Variants in MACROD2 observed in about 807,000 individuals in gnomAD.
The protein encoded by MACROD2 is mono-ADP ribosylhydrolase 2.
A neutral mutation model predicts 70.4 loss-of-function variants in MACROD2; 36 were observed. That is an observed-to-expected ratio of 0.51 (90% CI 0.39 to 0.68). The LOEUF is 0.68. Among genes scored for constraint, MACROD2 ranks in the 30% least tolerant of loss-of-function variants. The pLI is 0.00. For missense variants in MACROD2, 496 were observed against 538.4 expected, an observed-to-expected ratio of 0.92 and a Z score of 0.78; for synonymous variants, 172 against 178.8, an observed-to-expected ratio of 0.96 and a Z score of 0.30.
intron 5 of MACROD2, among the ~76,000 whole-genome samples, chr20:15,004,452 A>G (rs2075020115): frequency 2.6e-5 from 4 of 152,346 alleles, no homozygotes; most frequent in Middle Eastern, 6.8e-3. Context: ...CTTTTAAAGC[A>G]TATCATCAAT....
At chr20:14,721,254 C>CAAAAAAAAAAAA (rs200181158) in intron 5 of MACROD2, among the ~76,000 whole-genome samples, 1 of 90,266 alleles carries the variant, frequency 1.1e-5, no homozygotes. Context: ...GACCCCATCT[C>CAAAAAAAAAAAA]AAAAAAAAAA....
intron 5 of MACROD2, among the ~76,000 whole-genome samples, chr20:14,957,875 AATC>A (rs2074550893): frequency 6.6e-6 from 1 of 151,592 alleles, no homozygotes; most frequent in Admixed American, 6.6e-5. Flanking sequence ...ATCTAATATC[AATC>A]ATCATAAAAG....
chr20:15,764,682 A>G (rs2051493788), intron 8 of MACROD2, among the ~76,000 whole-genome samples: 1 of 152,196 alleles, frequency 6.6e-6, no homozygotes, highest in Non-Finnish European at 1.5e-5. Context: ...GCTGCTATAA[A>G]AGCTTCCTGA....
intron 5 of MACROD2, among the ~76,000 whole-genome samples, chr20:14,790,591 G>GA (rs2072438884): frequency 6.6e-6 from 1 of 152,072 alleles, no homozygotes. Context: ...AAGGGGCTGT[G>GA]AATAGTGTAG....
chr20:15,674,797 T>C (rs2050034132), intron 8 of MACROD2, among the ~76,000 whole-genome samples: 1 of 151,760 alleles, frequency 6.6e-6, no homozygotes, highest in African/African-American at 2.4e-5. Flanking sequence ...GTATCAGGGA[T>C]AAAAGAAGTA....
chr20:14,378,731 T>C (rs184474565), intron 3 of MACROD2, among the ~76,000 whole-genome samples: 189 of 152,344 alleles, frequency 1.2e-3, no homozygotes, highest in South Asian at 3.5e-3. Context: ...TGGTAATCCA[T>C]GAGGCCGGAG....
At chr20:14,413,480 A>G (rs1218030155) in intron 3 of MACROD2, among the ~76,000 whole-genome samples, 1 of 152,106 alleles carries the variant, frequency 6.6e-6, no homozygotes, top group Non-Finnish European at 1.5e-5. Context: ...CCCTGTTGAA[A>G]GACATTCTCT....
chr20:14,723,230 G>C (rs907631294), intron 5 of MACROD2, among the ~76,000 whole-genome samples: 1 of 152,126 alleles, frequency 6.6e-6, no homozygotes, highest in East Asian at 1.9e-4. Flanking sequence ...GCTTTGGCAC[G>C]CGTTAGCTGG....
At chr20:14,096,637 G>A (rs572004746) in intron 3 of MACROD2, among the ~76,000 whole-genome samples, 4 of 152,162 alleles carry the variant, frequency 2.6e-5, no homozygotes, top group Non-Finnish European at 5.9e-5. Flanking sequence ...AAAAAGGATT[G>A]CAGGTGTGAG....
At chr20:15,101,525 G>A (rs1345091666) in intron 5 of MACROD2, among the ~76,000 whole-genome samples, 1 of 6,350 alleles carries the variant, frequency 1.6e-4, no homozygotes, top group African/African-American at 9.2e-4. Flanking sequence ...GATAACCCAG[G>A]TGTTGGTTCA....
intron 3 of MACROD2, among the ~76,000 whole-genome samples, chr20:14,452,160 T>A (rs1403378416): frequency 6.6e-6 from 1 of 152,114 alleles, no homozygotes; most frequent in Non-Finnish European, 1.5e-5. Context: ...TAGAAGATAA[T>A]AATGAATTTA....
intron 16 of MACROD2, 145 bp downstream of exon 16, chr20:16,041,423 C>A: frequency 1.6e-6 from 1 of 637,756 alleles, no homozygotes; most frequent in East Asian, 3.1e-5. Flanking sequence ...TTTTGTGCTA[C>A]AAACTAATAA....
intron 3 of MACROD2, among the ~76,000 whole-genome samples, chr20:14,367,152 C>T (rs1290666560): frequency 6.6e-6 from 1 of 152,110 alleles, no homozygotes. Flanking sequence ...AACTTAGATT[C>T]AATAGGATAT....
intron 8 of MACROD2, among the ~76,000 whole-genome samples, chr20:15,636,566 A>G (rs1039426199): frequency 6.6e-6 from 1 of 152,186 alleles, no homozygotes; most frequent in African/African-American, 2.4e-5. Context: ...GTGTTTATAT[A>G]GTCAGATCTT....
chr20:14,879,883 A>G (rs962830521), intron 5 of MACROD2, among the ~76,000 whole-genome samples: 5 of 152,214 alleles, frequency 3.3e-5, no homozygotes, highest in African/African-American at 1.2e-4. Context: ...GAGGTTGTTG[A>G]AAGTCATTTT....
At chr20:15,760,193 C>T (rs1465720643) in intron 8 of MACROD2, among the ~76,000 whole-genome samples, 1 of 152,168 alleles carries the variant, frequency 6.6e-6, no homozygotes, top group Non-Finnish European at 1.5e-5. Context: ...AGGAGTGTCT[C>T]GGCTTCACGA....
intron 3 of MACROD2, among the ~76,000 whole-genome samples, chr20:14,134,986 G>A (rs1481515749): frequency 1.3e-5 from 2 of 151,832 alleles, no homozygotes; most frequent in South Asian, 2.1e-4. Flanking sequence ...GTTAATATGG[G>A]GGATTTTTAA....
At chr20:14,700,523 GT>G in intron 5 of MACROD2, among the ~76,000 whole-genome samples, 1 of 40,176 alleles carries the variant, frequency 2.5e-5, no homozygotes, top group Non-Finnish European at 4.6e-5. Context: ...ACATATGGTG[GT>G]GTGTGTGTGT....
intron 3 of MACROD2, among the ~76,000 whole-genome samples, chr20:14,115,114 T>C (rs1159342931): frequency 1.3e-5 from 2 of 152,108 alleles, no homozygotes; most frequent in Non-Finnish European, 2.9e-5. Flanking sequence ...TTCTCCTCCT[T>C]TCCTACAAGA....
Sources: allele counts gnomAD v4.1 joint callset (sites outside exome capture counted in the v4.1 genomes callset), GRCh38; gene constraint gnomAD v4.1.1; transcripts MANE v1.5; gene names NCBI Gene and HGNC (gene_info 2026-07-23, HGNC 2026-07-21).